The following VPS13B variants were observed in gnomAD, a reference collection of about 807,000 sequenced individuals.
VPS13B encodes vacuolar protein sorting 13 homolog B.
Under a neutral mutation model 426.4 loss-of-function variants are expected in VPS13B, and 285 were observed. The ratio of observed to expected loss-of-function variants is 0.67; its 90% CI spans 0.61 to 0.74. The LOEUF (loss-of-function observed/expected upper bound fraction) is 0.74. VPS13B is among the 30% of genes least tolerant of loss of function. VPS13B has a pLI of 0.00. For synonymous variants in VPS13B, 1,676 were observed against 1,676.4 expected, an observed-to-expected ratio of 1.00 and a Z score of 0.01; for missense variants, 4,537 against 4,782.6, an observed-to-expected ratio of 0.95 and a Z score of 1.51.
Position 99,179,085 on chromosome 8 carries a change from A to G in VPS13B, c.2333+8922A>G, listed in dbSNP as rs570402757. ...AATCTGTTAATACTTAACATTGTTC[A>G]GATTTCAACTGACTAATGAGTCATT... On this transcript the variant is annotated intron_variant, in intron 16 of 61. Transcript: ENST00000357162. 5.3e-5 allele frequency among the ~76,000 whole-genome samples: 8 copies of G among 152,304 alleles called. No homozygotes were observed. In the South Asian group the frequency reaches 1.7e-3, roughly 32 times the overall value.
At position 99,596,409 on chromosome 8, in the gene VPS13B, A is replaced by C. The variant is rs561494977; in HGVS notation, c.5220+18776A>C. Among the ~76,000 whole-genome samples the C allele has an allele frequency of 1.1e-4, 16 of 152,108 alleles. No individual in the cohort carries two copies. In the South Asian group the frequency reaches 3.1e-3, roughly 30 times the overall value. Reference sequence around the variant, plus strand: ...TTAGCTGCATGTCACAGACACTCAAAATAGATATGAGTTTCTTTTTCTCAG... The same window carrying C: ...TTAGCTGCATGTCACAGACACTCAACATAGATATGAGTTTCTTTTTCTCAG... On this transcript the variant is annotated intron_variant, in intron 33 of 61. Coordinates refer to ENST00000357162, the MANE Select transcript of VPS13B (RefSeq NM_152564.5).
At chr8:99,174,021 T>C (rs1469693514) in intron 16 of VPS13B, among the ~76,000 whole-genome samples, 1 of 152,234 alleles carries the variant, frequency 6.6e-6, no homozygotes, top group African/African-American at 2.4e-5. Context: ...TTTCTGTCTC[T>C]ATAAATTTGA....
At position 99,192,121 on chromosome 8, in the gene VPS13B, A is replaced by G. The variant is rs879596035; in HGVS notation, c.2334-755A>G. Among the ~76,000 whole-genome samples the G allele has an allele frequency of 5.3e-5, 8 of 152,334 alleles. No homozygotes were observed. The East Asian group carries it at 1.5e-3, about 29-fold the overall frequency. On this transcript the variant is annotated intron_variant, in intron 16 of 61. Transcript: ENST00000357162. ...TTCAGTATAAACTTGTTGCTCACAG[A>G]CATATTGAAATGTTTTCTTACTTTG... is the stretch of plus-strand genomic sequence containing the variant.
rs907381777 is a variant in VPS13B, at chr8:99,050,082, G to A, written c.291+11516G>A. ...GAGTTTTAGGGTACACGTGCACAAC[G>A]TGCAGGTTAGTTACGTATGTATACA... is the stretch of plus-strand genomic sequence containing the variant. On this transcript the variant is annotated intron_variant, in intron 3 of 61. Transcript: ENST00000357162. Among the ~76,000 whole-genome samples the A allele has an allele frequency of 5.3e-5, 8 of 151,136 alleles. No individual in the cohort carries two copies. In the South Asian group the frequency reaches 6.3e-4, roughly 12 times the overall value.
At chr8:99,125,532 A>G (rs1188056410) in intron 8 of VPS13B, among the ~76,000 whole-genome samples, 1 of 152,208 alleles carries the variant, frequency 6.6e-6, no homozygotes, top group African/African-American at 2.4e-5. Context: ...AGTCCAATCA[A>G]GTTGACAGTC....
chr8:99,337,879 A>G (rs964630888), intron 19 of VPS13B, among the ~76,000 whole-genome samples: 4 of 152,116 alleles, frequency 2.6e-5, no homozygotes, highest in African/African-American at 9.7e-5. Context: ...CAAGTTTTAT[A>G]AATAGTTGTG....
chr8:99,233,511 C>T, intron 17 of VPS13B: 1 of 1,256,836 alleles, frequency 8.0e-7, no homozygotes, highest in South Asian at 1.2e-5. Flanking sequence ...GATAAGAATG[C>T]TGATGCGGGA....
At chr8:99,178,767 G>T (rs954329196) in intron 16 of VPS13B, among the ~76,000 whole-genome samples, 3 of 151,892 alleles carry the variant, frequency 2.0e-5, no homozygotes, top group Non-Finnish European at 4.4e-5. Flanking sequence ...AATTACAGAT[G>T]TGTGCCATGA....
intron 25 of VPS13B, among the ~76,000 whole-genome samples, chr8:99,500,027 CA>C (rs1188478083): frequency 6.6e-6 from 1 of 152,086 alleles, no homozygotes; most frequent in African/African-American, 2.4e-5. Flanking sequence ...GTTTAGATGG[CA>C]TGTCTGTGGT....
intron 2 of VPS13B, among the ~76,000 whole-genome samples, chr8:99,032,818 G>T (rs554643268): frequency 5.9e-4 from 90 of 152,148 alleles, no homozygotes; most frequent in Middle Eastern, 3.4e-3. Context: ...GAGATTACAG[G>T]TGTGAGCCAC....
At chr8:99,822,784 G>T (rs969304493) in intron 50 of VPS13B, among the ~76,000 whole-genome samples, 2 of 152,096 alleles carry the variant, frequency 1.3e-5, no homozygotes, top group African/African-American at 4.8e-5. Flanking sequence ...TATCAGATTA[G>T]AAATTAAAAC....
chr8:99,855,991 C>T (rs1436037913), intron 56 of VPS13B, among the ~76,000 whole-genome samples: 1 of 152,206 alleles, frequency 6.6e-6, no homozygotes, highest in Non-Finnish European at 1.5e-5. Flanking sequence ...GGTTACTGAG[C>T]TCCAATCTGA....
At chr8:99,342,999 A>T (rs933501825) in intron 19 of VPS13B, among the ~76,000 whole-genome samples, 1 of 151,758 alleles carries the variant, frequency 6.6e-6, no homozygotes, top group Non-Finnish European at 1.5e-5. Context: ...TTGATTAGTG[A>T]TGCTGAGCAT....
chr8:99,635,650 C>T (rs1336702809), intron 33 of VPS13B, among the ~76,000 whole-genome samples: 1 of 151,858 alleles, frequency 6.6e-6, no homozygotes, highest in Non-Finnish European at 1.5e-5. Context: ...AGGTTGGTTT[C>T]CACAGGTTTT....
chr8:99,657,197 G>A (rs943565154), intron 34 of VPS13B, among the ~76,000 whole-genome samples: 1 of 151,962 alleles, frequency 6.6e-6, no homozygotes, highest in South Asian at 2.1e-4. Flanking sequence ...AGATGGTCAG[G>A]TCCTCTAACT....
In VPS13B at chr8:99,431,632, G is replaced by C. The variant is rs1259248038; in HGVS notation, c.3178G>C (p.Val1060Leu). 13 of 1,613,250 alleles carry C rather than the reference G, an allele frequency of 8.1e-6. No homozygotes were observed. The highest frequency in any genetic ancestry group is 1.1e-5 in the Non-Finnish European group (13 of 1,179,700). ...AAGAATGAAGGAATTTATTGGAATT[G>C]TTTGGAATGCAGTGAAGCATCTCAC... ...EERMKEFIGIVWNAVKHLTLQ... is the reference protein window; with the variant it reads ...EERMKEFIGILWNAVKHLTLQ... The change falls in exon 22 of 62, where the codon GTT becomes CTT. Residue 1060 changes from valine to leucine, a missense_variant. Physicochemically the swap from Val to Leu is conservative, Grantham distance 32. This residue lies in a region of VPS13B where 4,311 missense variants were observed against 4,474.3 expected (regional missense o/e 0.96). Transcript: ENST00000357162.
chr8:99,311,868 T>C (rs1003162645), intron 19 of VPS13B, among the ~76,000 whole-genome samples: 1 of 152,202 alleles, frequency 6.6e-6, no homozygotes, highest in Admixed American at 6.5e-5. Context: ...ATTGGGTGCA[T>C]ATATGATTAG....
intron 16 of VPS13B, among the ~76,000 whole-genome samples, chr8:99,187,113 T>C (rs1813262778): frequency 6.6e-6 from 1 of 152,052 alleles, no homozygotes; most frequent in Non-Finnish European, 1.5e-5. Context: ...TGCCACAGAG[T>C]GCCTGAAGAT....
At chr8:99,583,897 A>C (rs910194892) in intron 33 of VPS13B, among the ~76,000 whole-genome samples, 10 of 152,118 alleles carry the variant, frequency 6.6e-5, no homozygotes, top group Non-Finnish European at 1.5e-4. Context: ...GTAGTCATGA[A>C]TGGAAAAAGC....
Sources: gnomAD v4.1 joint callset for allele counts (sites outside exome capture counted in the v4.1 genomes callset) on GRCh38, gnomAD v4.1.1 for gene constraint, gnomAD v4.1.1 regional missense constraint, MANE v1.5 for transcripts, NCBI Gene and HGNC (gene_info 2026-07-23, HGNC 2026-07-21) for gene names.